Variants in SMUG1 observed in about 807,000 individuals in gnomAD.
SMUG1 encodes the protein single-strand selective monofunctional uracil DNA glycosylase.
SMUG1 carries 13 observed loss-of-function variants against 23.9 expected under a neutral mutation model. That is an observed-to-expected ratio of 0.54 (90% CI 0.35 to 0.86). The LOEUF (loss-of-function observed/expected upper bound fraction) is 0.86, where lower values mean the gene tolerates loss of function less well. SMUG1 is among the 40% of genes least tolerant of loss of function. The pLI is 0.01. For missense variants in SMUG1, 313 were observed against 339.5 expected (o/e 0.92, Z 0.61); for synonymous variants, 133 against 139.8 (o/e 0.95, Z 0.34).
downstream of SMUG1, among the ~76,000 whole-genome samples, chr12:54,175,396 C>G (rs1390117912): frequency 6.6e-6 from 1 of 152,240 alleles, no homozygotes; most frequent in African/African-American, 2.4e-5. Flanking sequence ...ACCCTTGGCT[C>G]TTGCCTAATT....
downstream of SMUG1, among the ~76,000 whole-genome samples, chr12:54,164,024 G>A (rs1336023256): frequency 6.6e-6 from 1 of 152,140 alleles, no homozygotes; most frequent in Non-Finnish European, 1.5e-5. Context: ...GAGAAGGGGA[G>A]GAAGGCAGGA....
In SMUG1 at chr12:54,181,375, A is replaced by G. The variant is rs1941044603; in HGVS notation, c.*721T>C. The stretch of plus-strand genomic sequence containing the variant: ...AGAAGACTATGTAATGAGCACCCAC[A>G]TGCCAAGCCCATGCAAGGCACTTTC... On this transcript the variant is annotated 3_prime_UTR_variant, in exon 4 of 4. Transcript: ENST00000682136. The G allele has an allele frequency of 3.2e-6, 2 of 623,680 alleles. No homozygotes were observed. Among genetic ancestry groups the G allele is most frequent in the Non-Finnish European group, 2.8e-6 (1 of 356,748 alleles). 38.6% of individuals were successfully genotyped at this position (623,680 alleles called of 1,614,324 possible). A position where few individuals can be genotyped will look rare whatever the true frequency, so the allele number is the denominator to read the frequency against.
At chr12:54,183,465 G>A in intron 3 of SMUG1, 191 bp downstream of exon 3, 2 of 609,288 alleles carry the variant, frequency 3.3e-6, no homozygotes, top group Non-Finnish European at 5.8e-6. Context: ...TAATGTGCTT[G>A]GTTAATTACG....
At chr12:54,184,001 A>AC (rs1353057517) in intron 2 of SMUG1, 42 bp from the exon 3 acceptor site, 2 of 1,434,982 alleles carry the variant, frequency 1.4e-6, no homozygotes, top group African/African-American at 2.8e-5. Flanking sequence ...ACCCTCAGCC[A>AC]CAGAGTAGGA....
At chr12:54,170,591 CTT>C (rs1374413280) in intron 3 of SMUG1, among the ~76,000 whole-genome samples, 1 of 151,928 alleles carries the variant, frequency 6.6e-6, no homozygotes, top group Non-Finnish European at 1.5e-5. Context: ...ACCTCCACAA[CTT>C]TTTTTAGTTT....
chr12:54,171,583 C>T (rs567094493), intron 3 of SMUG1, among the ~76,000 whole-genome samples: 4 of 146,144 alleles, frequency 2.7e-5, no homozygotes, highest in South Asian at 2.3e-4. Context: ...CCAGCTAGTC[C>T]GGAGGCTGAG....
chr12:54,165,932 C>T (rs891592358), intron 3 of SMUG1, among the ~76,000 whole-genome samples: 1 of 152,156 alleles, frequency 6.6e-6, no homozygotes, highest in Non-Finnish European at 1.5e-5. Flanking sequence ...AAGACATGAT[C>T]AACATTGAGG....
At chr12:54,171,567 G>A (rs1407652565) in intron 3 of SMUG1, among the ~76,000 whole-genome samples, 1 of 150,724 alleles carries the variant, frequency 6.6e-6, no homozygotes, top group Non-Finnish European at 1.5e-5. Flanking sequence ...GCGCGTGCCT[G>A]TAATCCCAGC....
chr12:54,185,333 G>C (rs1202891145), intron 2 of SMUG1, among the ~76,000 whole-genome samples: 1 of 151,580 alleles, frequency 6.6e-6, no homozygotes, highest in Non-Finnish European at 1.5e-5. Context: ...TGGGCGTTGT[G>C]GTGGGCACCT....
chr12:54,182,828 TC>T, intron 3 of SMUG1: 1 of 1,057,350 alleles, frequency 9.5e-7, no homozygotes, highest in Non-Finnish European at 1.3e-6. Flanking sequence ...TGAACCGTGG[TC>T]CAGAAGAATT....
chr12:54,183,911 G>A lies in SMUG1; in HGVS notation c.30C>T (p.Ile10=), dbSNP rs111355532. The A allele has an allele frequency of 2.6e-4, 414 of 1,595,144 alleles. 1 individual carries two copies. The African/African-American group carries it at 4.7e-3, about 18-fold the overall frequency. ...CCATGAGGGCACCTGCAGGCTCATG[G>A]ATGGACCCCAGCAGGAAAGCCTGGG... is the stretch of plus-strand genomic sequence containing the variant. MPQAFLLGS[I]HEPAGALMEP... The change falls in exon 3 of 4, where the codon ATC becomes ATT. Residue 10 remains isoleucine (I), a synonymous_variant. Coordinates refer to ENST00000682136, the MANE Select transcript of SMUG1 (RefSeq NM_001243787.2).
At chr12:54,162,596 T>C (rs1402444891), downstream of SMUG1, 3 of 152,112 alleles carry the variant, frequency 2.0e-5, no homozygotes, top group Non-Finnish European at 4.4e-5. Context: ...CCTTCTCTAG[T>C]GATGTCAAGC....
intron 2 of SMUG1, among the ~76,000 whole-genome samples, chr12:54,186,346 TTTTG>T (rs1163775390): frequency 4.2e-5 from 4 of 95,984 alleles, no homozygotes; most frequent in Admixed American, 9.7e-5. Flanking sequence ...TTTTGTTTTG[TTTTG>T]TTTTTTTTTT....
intron 1 of SMUG1, chr12:54,188,712 G>T (rs1943125905): frequency 6.6e-6 from 1 of 152,004 alleles, no homozygotes; most frequent in Non-Finnish European, 1.5e-5. Flanking sequence ...GACTACTAAG[G>T]CACCATACAA....
chr12:54,163,094 T>C (rs1233708813), downstream of SMUG1: 1 of 152,226 alleles, frequency 6.6e-6, no homozygotes, highest in African/African-American at 2.4e-5. Flanking sequence ...CTACCAGATC[T>C]TGAGGGCTGT....
At chr12:54,164,963 G>A (rs1041293983) in intron 4 of SMUG1, 59 of 152,056 alleles carry the variant, frequency 3.9e-4, no homozygotes, top group African/African-American at 1.4e-3. Context: ...TAACTGTCTT[G>A]CTCCTGACAA....
intron 3 of SMUG1, among the ~76,000 whole-genome samples, chr12:54,167,712 C>T (rs189193625): frequency 6.6e-6 from 1 of 152,326 alleles, no homozygotes; most frequent in Admixed American, 6.5e-5. Context: ...TTCCTCCTCA[C>T]CCCAGCTACT....
downstream of SMUG1, among the ~76,000 whole-genome samples, chr12:54,161,891 G>A (rs1940278108): frequency 6.6e-6 from 1 of 152,210 alleles, no homozygotes; most frequent in Admixed American, 6.5e-5. This position sits in a 1 kb window ranked among gnomAD's most constrained non-coding sequence, Gnocchi z 4.2. Flanking sequence ...AGGGGGACAG[G>A]AAAGATAAAT....
intron 3 of SMUG1, chr12:54,182,839 T>C: frequency 1.0e-6 from 1 of 955,814 alleles, no homozygotes; most frequent in Non-Finnish European, 1.5e-6. Context: ...CCAGAAGAAT[T>C]TGTTTCCCTC....
Sources: allele counts gnomAD v4.1 joint callset (sites outside exome capture counted in the v4.1 genomes callset), GRCh38; gene constraint gnomAD v4.1.1; non-coding constraint Gnocchi (gnomAD v3.1); transcripts MANE v1.5; gene names NCBI Gene and HGNC (gene_info 2026-07-23, HGNC 2026-07-21).